The following PCSK5 variants were observed in gnomAD, a reference collection of about 807,000 sequenced individuals.
PCSK5 encodes the protein prohormone convertase 5.
PCSK5 carries 129 observed loss-of-function variants against 233.2 expected under a neutral mutation model. The observed-to-expected ratio is 0.55, with a 90% CI of 0.48 to 0.64. The LOEUF (loss-of-function observed/expected upper bound fraction) is 0.64, where lower values mean the gene tolerates loss of function less well. PCSK5 is among the 30% of genes least tolerant of loss of function. The pLI is 0.00. For synonymous variants in PCSK5, 825 were observed against 879.2 expected, an observed-to-expected ratio of 0.94 and a Z score of 1.09; for missense variants, 2,076 against 2,430.1, an observed-to-expected ratio of 0.85 and a Z score of 3.06.
At chr9:76,174,123 G>C (rs568585467) in intron 13 of PCSK5, among the ~76,000 whole-genome samples, 1 of 152,110 alleles carries the variant, frequency 6.6e-6, no homozygotes, top group South Asian at 2.1e-4. Flanking sequence ...CAAAATTTTT[G>C]TTAATTTTAG....
Position 76,007,377 on chromosome 9 carries a change from G to C in PCSK5, c.412-16361G>C, listed in dbSNP as rs1377575240. Reference sequence around the variant, plus strand: ...TTATACTTTGTTGTTACAGAACATTGGGTAGATATTTGTCTACTAGTCTCC... The same window carrying C: ...TTATACTTTGTTGTTACAGAACATTCGGTAGATATTTGTCTACTAGTCTCC... On this transcript the variant is annotated intron_variant, in intron 3 of 37. Coordinates refer to ENST00000674117, the MANE Select transcript of PCSK5 (RefSeq NM_001372043.1). Among the ~76,000 whole-genome samples, 4 of 152,184 alleles carry C rather than the reference G, an allele frequency of 2.6e-5. No individual in the cohort carries two copies. In the South Asian group the frequency reaches 8.3e-4, roughly 32 times the overall value.
intron 2 of PCSK5, among the ~76,000 whole-genome samples, chr9:75,944,107 G>A (rs1182385127): frequency 1.3e-5 from 2 of 151,748 alleles, no homozygotes; most frequent in Non-Finnish European, 2.9e-5. Flanking sequence ...AGGCTGCAGT[G>A]AGCCGAGATT....
intron 1 of PCSK5, among the ~76,000 whole-genome samples, chr9:75,895,453 T>C (rs1348231057): frequency 6.6e-6 from 1 of 152,168 alleles, no homozygotes; most frequent in Non-Finnish European, 1.5e-5. Flanking sequence ...ATCAGGAAAA[T>C]ATATTTTTGA....
At chr9:76,073,082 A>G (rs871449) in intron 7 of PCSK5, among the ~76,000 whole-genome samples, 26,727 of 152,212 alleles carry the variant, frequency 0.18, 2,369 homozygotes, top group East Asian at 0.23. Flanking sequence ...TGAGTATTCA[A>G]TGAAAGTTAT....
chr9:76,137,348 T>G (rs560300633), intron 10 of PCSK5, among the ~76,000 whole-genome samples: 4 of 152,120 alleles, frequency 2.6e-5, no homozygotes, highest in African/African-American at 9.7e-5. Flanking sequence ...TAAATGACCC[T>G]GTAATGAGAT....
chr9:76,350,116 A>G (rs995930445), intron 35 of PCSK5, among the ~76,000 whole-genome samples: 7 of 152,042 alleles, frequency 4.6e-5, no homozygotes, highest in African/African-American at 1.4e-4. Context: ...CATCTGAAAA[A>G]AAAAAAAAAG....
rs1041824997 is a variant in PCSK5, at chr9:76,219,683, C to T, written c.2627-7820C>T. ...CAGTGTCGTGCTCACTCATGGGAAGCGCTCTCAGCAGCGGCTTCCCCTCTC... is the reference window on the plus strand; with the variant it reads ...CAGTGTCGTGCTCACTCATGGGAAGTGCTCTCAGCAGCGGCTTCCCCTCTC... On this transcript the variant is annotated intron_variant, in intron 20 of 37. Coordinates refer to ENST00000674117, the MANE Select transcript of PCSK5 (RefSeq NM_001372043.1). 1.1e-4 allele frequency among the ~76,000 whole-genome samples: 16 copies of T among 152,242 alleles called. No homozygotes were observed. The South Asian group carries it at 1.9e-3, about 18-fold the overall frequency.
At chr9:76,243,830 G>T (rs1826500781) in intron 24 of PCSK5, among the ~76,000 whole-genome samples, 1 of 152,200 alleles carries the variant, frequency 6.6e-6, no homozygotes, top group African/African-American at 2.4e-5. Flanking sequence ...AAGCAGAGAT[G>T]AATGGCTTAG....
At chr9:76,158,838 C>G in intron 11 of PCSK5, 145 bp from the exon 12 acceptor site, 1 of 658,158 alleles carries the variant, frequency 1.5e-6, no homozygotes. Context: ...TTCAGTGACC[C>G]AGTTATTTTG....
intron 9 of PCSK5, among the ~76,000 whole-genome samples, chr9:76,133,155 C>A (rs1351342334): frequency 6.6e-6 from 1 of 152,012 alleles, no homozygotes; most frequent in African/African-American, 2.4e-5. Flanking sequence ...GTGAAGGTAG[C>A]TGGTGAGAAA....
intron 21 of PCSK5, among the ~76,000 whole-genome samples, chr9:76,231,985 C>T (rs1197638053): frequency 6.6e-6 from 1 of 152,174 alleles, no homozygotes; most frequent in Non-Finnish European, 1.5e-5. Flanking sequence ...TGCCTCCAAA[C>T]AGATGCAAAT....
chr9:76,194,632 G>A, intron 20 of PCSK5: 1 of 353,900 alleles, frequency 2.8e-6, no homozygotes, highest in Non-Finnish European at 5.8e-6. Context: ...TATTTTCACT[G>A]GTTTTCTGTG....
At chr9:75,991,679 C>T (rs932387992) in intron 3 of PCSK5, among the ~76,000 whole-genome samples, 2 of 152,092 alleles carry the variant, frequency 1.3e-5, no homozygotes, top group Non-Finnish European at 1.5e-5. Flanking sequence ...GATTTGGCCA[C>T]GTCTTTGGAA....
At chr9:76,077,402 CCTT>C (rs746031801) in intron 7 of PCSK5, among the ~76,000 whole-genome samples, 3 of 152,116 alleles carry the variant, frequency 2.0e-5, no homozygotes, top group Non-Finnish European at 4.4e-5. Context: ...AGAGGAGACT[CCTT>C]CTTTGGTCTT....
chr9:76,240,113 G>T (rs892054104), intron 23 of PCSK5, among the ~76,000 whole-genome samples: 2 of 152,150 alleles, frequency 1.3e-5, no homozygotes, highest in African/African-American at 2.4e-5. Flanking sequence ...GACTGTTATT[G>T]CCCTGCTCTG....
rs77897928 is a variant in PCSK5 at position 76,207,480 on chromosome 9, G to A, written c.2626+17734G>A. ...TTTTGTGTGTATCTTGCATTAATTC[G>A]TTAACTATTTACTCATCTAACTTTT... On this transcript the variant is annotated intron_variant, in intron 20 of 37. Transcript: ENST00000674117. Among the ~76,000 whole-genome samples the A allele has an allele frequency of 3.3e-4, 51 of 152,268 alleles. 1 individual carries two copies. In the East Asian group the frequency reaches 4.8e-3, roughly 14 times the overall value.
intron 2 of PCSK5, among the ~76,000 whole-genome samples, chr9:75,967,090 T>C (rs541437546): frequency 1.3e-5 from 2 of 152,228 alleles, no homozygotes; most frequent in Middle Eastern, 3.4e-3. Context: ...AGTGTTTTAT[T>C]TATTTATTTT....
intron 35 of PCSK5, among the ~76,000 whole-genome samples, chr9:76,350,111 GA>G (rs33916148): frequency 0.56 from 81,162 of 144,494 alleles, 22,924 homozygotes; most frequent in East Asian, 0.76. Context: ...GACCCCATCT[GA>G]AAAAAAAAAA....
intron 28 of PCSK5, among the ~76,000 whole-genome samples, chr9:76,303,161 C>A (rs1399044060): frequency 1.3e-5 from 2 of 152,092 alleles, no homozygotes; most frequent in Admixed American, 1.3e-4. Context: ...AGATCTCCCT[C>A]TGGTGGACAT....
Sources: allele counts gnomAD v4.1 joint callset (sites outside exome capture counted in the v4.1 genomes callset), GRCh38; gene constraint gnomAD v4.1.1; transcripts MANE v1.5; gene names NCBI Gene and HGNC (gene_info 2026-07-23, HGNC 2026-07-21).